Variants in TAF4B observed in about 807,000 individuals in gnomAD.
TAF4B encodes the protein TATA-box binding protein associated factor 4b, also known as transcription initiation factor TFIID subunit 4B.
Under a neutral mutation model 86.4 loss-of-function variants are expected in TAF4B, and 38 were observed. The observed-to-expected ratio is 0.44, with a 90% CI of 0.34 to 0.58. The LOEUF (loss-of-function observed/expected upper bound fraction) is 0.58. Ranked by LOEUF, TAF4B falls within the 20% of genes least tolerant of loss-of-function variation. The pLI is 0.02. For synonymous variants in TAF4B, 388 were observed against 391.2 expected, an observed-to-expected ratio of 0.99 and a Z score of 0.10; for missense variants, 988 against 1,027.6, an observed-to-expected ratio of 0.96 and a Z score of 0.53.
At chr18:26,355,848 A>G (rs1281369733) in intron 13 of TAF4B, among the ~76,000 whole-genome samples, 1 of 152,194 alleles carries the variant, frequency 6.6e-6, no homozygotes, top group Non-Finnish European at 1.5e-5. Flanking sequence ...AGACTCTAAA[A>G]CTATATTTTT....
chr18:26,330,259 G>T (rs974626494), intron 12 of TAF4B, among the ~76,000 whole-genome samples: 1 of 152,154 alleles, frequency 6.6e-6, no homozygotes, highest in Non-Finnish European at 1.5e-5. Context: ...ATGGGCTAAT[G>T]ATTTCTCTTT....
At chr18:26,314,705 T>C (rs924921419) in intron 9 of TAF4B, among the ~76,000 whole-genome samples, 18 of 152,194 alleles carry the variant, frequency 1.2e-4, no homozygotes, top group African/African-American at 2.9e-4. Context: ...CAGGACCAGA[T>C]AATTTCTGCT....
chr18:26,241,559 G>A lies in TAF4B; in HGVS notation c.343+14283G>A, dbSNP rs140555470. Among the ~76,000 whole-genome samples, 1,179 of 152,046 alleles carry A rather than the reference G, an allele frequency of 7.8e-3. 13 individuals carry two copies. The highest frequency in any genetic ancestry group is 0.027 in the African/African-American group (1,118 of 41,474). On this transcript the variant is annotated intron_variant, in intron 1 of 14. Transcript: ENST00000269142. ...AGCTCCTGGATTCTTTGATTTTTTT[G>A]AAGGGTTTTTTGTGTCTCTATCTCC...
At chr18:26,277,033 G>C (rs1328849367) in intron 5 of TAF4B, among the ~76,000 whole-genome samples, 1 of 152,020 alleles carries the variant, frequency 6.6e-6, no homozygotes, top group Non-Finnish European at 1.5e-5. Context: ...AAGGCATTTT[G>C]TTTTTTGTGG....
chr18:26,254,842 C>A (rs1278603400), intron 1 of TAF4B, among the ~76,000 whole-genome samples: 2 of 152,132 alleles, frequency 1.3e-5, no homozygotes, highest in Non-Finnish European at 2.9e-5. Flanking sequence ...AGTCAAGTTA[C>A]CTTTCTGTAT....
chr18:26,327,002 T>TAA lies in TAF4B; in HGVS notation c.2134-13_2134-12insAA. ...GATCATTATAAGACTTTCTGTTTTC[T>TAA]TTTTTTTCCCAGGCAAGTGAAAATT... On this transcript the variant is annotated splice_polypyrimidine_tract_variant and intron_variant, in intron 11 of 14. Transcript: ENST00000269142. The TAA allele has an allele frequency of 6.2e-7, 1 of 1,603,568 alleles. No individual in the cohort carries two copies. Among genetic ancestry groups the TAA allele is most frequent in the Non-Finnish European group, 8.5e-7 (1 of 1,175,004 alleles).
intron 14 of TAF4B, among the ~76,000 whole-genome samples, chr18:26,383,236 G>T (rs1011491303): frequency 1.3e-5 from 2 of 152,120 alleles, no homozygotes; most frequent in Non-Finnish European, 2.9e-5. Context: ...AAACAATTTT[G>T]TCAGATTATT....
At chr18:26,283,677 G>T (rs2056476439) in intron 6 of TAF4B, among the ~76,000 whole-genome samples, 1 of 152,160 alleles carries the variant, frequency 6.6e-6, no homozygotes, top group African/African-American at 2.4e-5. Flanking sequence ...AAGCCTTGAA[G>T]CCATGCGTTG....
At chr18:26,306,763 G>C (rs904531727) in intron 9 of TAF4B, among the ~76,000 whole-genome samples, 39 of 151,108 alleles carry the variant, frequency 2.6e-4, no homozygotes, top group African/African-American at 9.4e-4. Context: ...CATCACTTCA[G>C]TTATTTATTT....
At chr18:26,273,259 T>G (rs1011611552) in intron 3 of TAF4B, among the ~76,000 whole-genome samples, 13 of 152,244 alleles carry the variant, frequency 8.5e-5, no homozygotes, top group Admixed American at 2.0e-4. Flanking sequence ...TATTCTAGTT[T>G]CTGTGTTTTG....
At chr18:26,337,648 C>A (rs2057103911) in intron 13 of TAF4B, among the ~76,000 whole-genome samples, 1 of 152,074 alleles carries the variant, frequency 6.6e-6, no homozygotes, top group Non-Finnish European at 1.5e-5. Flanking sequence ...GTCTCAAACT[C>A]CTGACCTCAG....
At chr18:26,271,798 G>A (rs1206011954) in intron 3 of TAF4B, among the ~76,000 whole-genome samples, 1 of 151,818 alleles carries the variant, frequency 6.6e-6, no homozygotes, top group Non-Finnish European at 1.5e-5. Context: ...GTGGTGGGGG[G>A]CGGCTCTCAT....
intron 13 of TAF4B, among the ~76,000 whole-genome samples, chr18:26,345,079 G>A (rs940421390): frequency 6.6e-6 from 1 of 152,122 alleles, no homozygotes; most frequent in African/African-American, 2.4e-5. Flanking sequence ...AATTCACACA[G>A]CTGCATTGCC....
At chr18:26,385,241 G>A (rs570574117) in intron 14 of TAF4B, among the ~76,000 whole-genome samples, 9 of 152,164 alleles carry the variant, frequency 5.9e-5, no homozygotes, top group Non-Finnish European at 1.0e-4. Context: ...TGGATTACTA[G>A]TTATTTTTGG....
intron 7 of TAF4B, among the ~76,000 whole-genome samples, chr18:26,290,262 C>T (rs2056576015): frequency 1.3e-5 from 2 of 152,098 alleles, no homozygotes; most frequent in Admixed American, 1.3e-4. Flanking sequence ...GCCTCAGCCT[C>T]ATGAGTAGCT....
intron 1 of TAF4B, among the ~76,000 whole-genome samples, chr18:26,241,796 A>G (rs1048677177): frequency 6.6e-6 from 1 of 152,060 alleles, no homozygotes; most frequent in Non-Finnish European, 1.5e-5. Context: ...CTTTGTTCTC[A>G]TTGGTTTCAA....
At position 26,281,941 on chromosome 18, in the gene TAF4B, A is replaced by G. The variant is rs935878674; in HGVS notation, c.883-30A>G. ...TCTCTTTTAAAAGATTTGTAGACTT[A>G]AAATTGTTTCTATTTCTCCCATCCC... is the stretch of plus-strand genomic sequence containing the variant. On this transcript the variant is annotated intron_variant, in intron 5 of 14. Coordinates refer to ENST00000269142, the MANE Select transcript of TAF4B (RefSeq NM_005640.3). 8 of 1,513,592 alleles carry G rather than the reference A, an allele frequency of 5.3e-6. No homozygotes were observed. In the African/African-American group the frequency reaches 9.7e-5, roughly 18 times the overall value. The allele number at this position is 1,513,592 out of a possible 1,614,324, so 93.8% of individuals were successfully genotyped here.
chr18:26,370,464 C>CT (rs1200812005), intron 14 of TAF4B, among the ~76,000 whole-genome samples: 1 of 152,152 alleles, frequency 6.6e-6, no homozygotes, highest in African/African-American at 2.4e-5. Context: ...CTTGCCAGTC[C>CT]TTCTACCCCT....
chr18:26,345,181 T>G (rs1165768431), intron 13 of TAF4B, among the ~76,000 whole-genome samples: 1 of 152,158 alleles, frequency 6.6e-6, no homozygotes, highest in Non-Finnish European at 1.5e-5. Flanking sequence ...CCAACAGCCC[T>G]GCACCCACAA....
Sources: allele counts gnomAD v4.1 joint callset (sites outside exome capture counted in the v4.1 genomes callset), GRCh38; gene constraint gnomAD v4.1.1; transcripts MANE v1.5; gene names NCBI Gene and HGNC (gene_info 2026-07-23, HGNC 2026-07-21).